APEX2: variants seen among roughly 807,000 people sequenced by gnomAD.
The protein encoded by APEX2 is DNA-(apurinic or apyrimidinic site) endonuclease 2.
Under a neutral mutation model 16.7 loss-of-function variants are expected in APEX2, and 4 were observed. The observed-to-expected ratio is 0.24, with a 90% CI of 0.12 to 0.55. The LOEUF is 0.55. Ranked by LOEUF, APEX2 falls within the 20% of genes least tolerant of loss-of-function variation. The pLI is 0.94. For synonymous variants in APEX2, 181 were observed against 166.9 expected (o/e 1.08, Z -0.65); for missense variants, 357 against 433.6 (o/e 0.82, Z 1.57).
chrX:55,001,687 G>T (rs1399411891), intron 2 of APEX2, 58 bp downstream of exon 2: 3 of 970,301 alleles, frequency 3.1e-6, no homozygotes, highest in Non-Finnish European at 2.8e-6. Context: ...GGGGAAAAGG[G>T]TTTCCAATAT....
chrX:55,000,728 C>A, intron 1 of APEX2, 149 bp downstream of exon 1: 1 of 663,606 alleles, frequency 1.5e-6, no homozygotes, highest in Non-Finnish European at 2.2e-6. Flanking sequence ...CTTCCATTTC[C>A]CACCCTAGCT....
At chrX:55,004,787 A>G (rs1415112560) in intron 5 of APEX2, among the ~76,000 whole-genome samples, 2 of 111,344 alleles carry the variant, frequency 1.8e-5, no homozygotes, top group African/African-American at 6.5e-5. Context: ...CCCTAGGCCC[A>G]TGGTTTTCAG....
intron 1 of APEX2, among the ~76,000 whole-genome samples, chrX:55,000,996 C>G (rs901500004): frequency 9.2e-6 from 1 of 109,217 alleles, no homozygotes; most frequent in Non-Finnish European, 1.9e-5. Flanking sequence ...CACATTTCCA[C>G]CTCAGAACCC....
Position 55,006,559 on chromosome X carries a change from C to T in APEX2, c.681C>T (p.Ser227=), listed in dbSNP as rs200406687. 4.8e-5 allele frequency: 54 copies of T among 1,132,978 alleles called. 1 individual carries two copies. In the Admixed American group the frequency reaches 1.3e-3, roughly 28 times the overall value. The allele number at this position is 1,132,978 out of a possible 1,213,427, so 93.4% of individuals were successfully genotyped here. A position where few individuals can be genotyped will look rare whatever the true frequency, so the allele number is the denominator to read the frequency against. ...ACCCAGGGCGCAAGTGGATGGACAG[C>T]TTGCTCAGTAACTTGGGGTGCCAGT... ...EEDPGRKWMD[S]LLSNLGCQSA... The change falls in exon 6 of 6, where the codon AGC becomes AGT. Residue 227 remains serine, a synonymous_variant. Transcript: ENST00000374987.
chrX:55,007,157 C>G lies in APEX2; in HGVS notation c.1279C>G (p.Pro427Ala). 1 of 1,211,971 alleles carries G rather than the reference C, an allele frequency of 8.3e-7. No individual in the cohort carries two copies. The highest frequency in any genetic ancestry group is 1.1e-6 in the Non-Finnish European group (1 of 895,554). The change falls in exon 6 of 6, where the codon CCA (proline) becomes GCA (alanine). Residue 427 changes from proline (P) to alanine (A), a missense_variant. Coordinates refer to ENST00000374987, the MANE Select transcript of APEX2 (RefSeq NM_014481.4). ...LMSALMTPKT[P>A]EEKAVAKVVK... ...GAGCGCCCTCATGACCCCGAAGACT[C>G]CAGAAGAGAAGGCAGTGGCCAAAGT...
rs28382675 is a variant in APEX2, at chrX:55,000,417, T to G, written c.-6T>G. ...CGCGGGCTGGGAGGTGTTCCAGCCCTTTAAGATGTTGCGCGTGGTGAGCTG... is the reference window on the plus strand; with the variant it reads ...CGCGGGCTGGGAGGTGTTCCAGCCCGTTAAGATGTTGCGCGTGGTGAGCTG... On this transcript the variant is annotated 5_prime_UTR_variant, in exon 1 of 6. Coordinates refer to ENST00000374987, the MANE Select transcript of APEX2 (RefSeq NM_014481.4). 3.1e-3 allele frequency: 3,648 copies of G among 1,179,583 alleles called. 73 individuals are homozygous for G. The African/African-American group carries it at 0.057, about 19-fold the overall frequency.
intron 5 of APEX2, among the ~76,000 whole-genome samples, chrX:55,004,439 G>T (rs1280205827): frequency 3.6e-5 from 4 of 112,415 alleles, no homozygotes; most frequent in Non-Finnish European, 7.5e-5. Flanking sequence ...CTGGAGAGTT[G>T]TTGGGGGTCA....
chrX:55,006,412 C>G, intron 5 of APEX2, 106 bp from the exon 6 acceptor site: 3 of 690,501 alleles, frequency 4.3e-6, no homozygotes, highest in Non-Finnish European at 5.9e-6. Flanking sequence ...CTTGGGACAA[C>G]CAAATTTTCT....
Position 55,007,809 on chromosome X carries a change from G to A in APEX2, c.*374G>A, listed in dbSNP as rs960304217. On this transcript the variant is annotated 3_prime_UTR_variant, in exon 6 of 6. Transcript: ENST00000374987. ...GGACATTGTGGAGGTACTCCATAAA[G>A]TTGAGTCAGAGAAGCTATCTCAATA... 1.2e-4 allele frequency: 19 copies of A among 152,109 alleles called. No homozygotes were observed. Among genetic ancestry groups the A allele is most frequent in the Non-Finnish European group, 1.9e-4 (15 of 79,770 alleles). 12.5% of individuals were successfully genotyped at this position (152,109 alleles called of 1,213,427 possible).
chrX:55,007,390 C>A lies in APEX2; in HGVS notation c.1512C>A (p.Asp504Glu). The A allele has an allele frequency of 8.5e-7, 1 of 1,183,103 alleles. No individual in the cohort carries two copies. The highest frequency in any genetic ancestry group is 1.1e-6 in the Non-Finnish European group (1 of 879,988). The change falls in exon 6 of 6, where the codon GAC (aspartate) becomes GAA (glutamate). Residue 504 changes from aspartate (D) to glutamate (E), a missense_variant. By Grantham distance (45) the Asp-to-Glu change is conservative. Coordinates refer to ENST00000374987, the MANE Select transcript of APEX2 (RefSeq NM_014481.4). ...MCARPRGPPTDPSSRCNFFLW... is the reference protein window; with the variant it reads ...MCARPRGPPTEPSSRCNFFLW... Reference sequence around the variant, plus strand: ...CCAGGCCCCGGGGTCCTCCCACTGACCCCTCCTCCCGGTGCAACTTCTTCC... The same window carrying A: ...CCAGGCCCCGGGGTCCTCCCACTGAACCCTCCTCCCGGTGCAACTTCTTCC...
intron 2 of APEX2, 98 bp downstream of exon 2, chrX:55,001,727 C>A: frequency 1.5e-6 from 1 of 677,189 alleles, no homozygotes; most frequent in Non-Finnish European, 2.1e-6. Flanking sequence ...AAATCTTAGA[C>A]ATTTAGTTTA....
chrX:55,003,907 G>C (rs750129302), intron 5 of APEX2, 39 bp downstream of exon 5: 1 of 1,170,991 alleles, frequency 8.5e-7, no homozygotes, highest in East Asian at 3.0e-5. Flanking sequence ...ACTCCTGACT[G>C]ATTCTGTTTG....
chrX:55,002,200 C>T, intron 2 of APEX2, 51 bp from the exon 3 acceptor site: 1 of 1,087,026 alleles, frequency 9.2e-7, no homozygotes, highest in South Asian at 2.3e-5. Flanking sequence ...ACAGGCTGTG[C>T]AACAGGCTAT....
chrX:55,003,776 C>A (rs756995380), intron 4 of APEX2, 23 bp from the exon 5 acceptor site: 1 of 1,205,147 alleles, frequency 8.3e-7, no homozygotes, highest in South Asian at 1.8e-5. Context: ...CCCTTTCTAA[C>A]AATCCCACAT....
chrX:55,005,185 C>T (rs1019424092), intron 5 of APEX2, among the ~76,000 whole-genome samples: 3 of 111,718 alleles, frequency 2.7e-5, no homozygotes, highest in African/African-American at 6.5e-5. Context: ...TGGTGGGGAG[C>T]GGAGATAATG....
At chrX:55,002,876 C>G in intron 3 of APEX2, 86 bp from the exon 4 acceptor site, 1 of 1,056,524 alleles carries the variant, frequency 9.5e-7, no homozygotes, top group South Asian at 2.2e-5. Flanking sequence ...CCCAGACAGT[C>G]ACAAAATGGA....
intron 5 of APEX2, among the ~76,000 whole-genome samples, chrX:55,004,963 A>G (rs1395693846): frequency 2.7e-5 from 3 of 111,919 alleles, no homozygotes; most frequent in Non-Finnish European, 3.8e-5. Context: ...AGAATCCACA[A>G]GCCAGCTCTC....
intron 3 of APEX2, 124 bp from the exon 4 acceptor site, chrX:55,002,838 G>T: frequency 1.3e-6 from 1 of 762,481 alleles, no homozygotes; most frequent in Admixed American, 3.8e-5. Flanking sequence ...CAGATCATTT[G>T]TGTCTCTTTA....
At position 55,006,979 on chromosome X, in the gene APEX2, A is replaced by AT; in HGVS notation, c.1102dup (p.Cys368LeufsTer20). The AT allele has an allele frequency of 8.3e-7, 1 of 1,211,937 alleles. No individual in the cohort carries two copies. Among genetic ancestry groups the AT allele is most frequent in the Non-Finnish European group, 1.1e-6 (1 of 895,530 alleles). On this transcript the variant is annotated frameshift_variant, in exon 6 of 6. Coordinates refer to ENST00000374987, the MANE Select transcript of APEX2 (RefSeq NM_014481.4). LOFTEE classifies it low-confidence loss of function (END_TRUNC). ...ACAACAATCAAACCCGGGTACAGACATGCCAAAACAAAGCCCAAGTGCGCT... is the reference window on the plus strand; with the variant it reads ...ACAACAATCAAACCCGGGTACAGACATTGCCAAAACAAAGCCCAAGTGCGCT...
Sources: allele counts gnomAD v4.1 joint callset (sites outside exome capture counted in the v4.1 genomes callset), GRCh38; gene constraint gnomAD v4.1.1; transcripts MANE v1.5; gene names NCBI Gene and HGNC (gene_info 2026-07-23, HGNC 2026-07-21).